The following ALDH4A1 variants were observed in gnomAD, a reference collection of about 807,000 sequenced individuals.
ALDH4A1 encodes the protein delta-1-pyrroline-5-carboxylate dehydrogenase, mitochondrial.
ALDH4A1 carries 46 observed loss-of-function variants against 70.5 expected under a neutral mutation model. The ratio of observed to expected loss-of-function variants is 0.65; its 90% CI spans 0.51 to 0.83. The LOEUF (loss-of-function observed/expected upper bound fraction) is 0.83. Ranked by LOEUF, ALDH4A1 falls within the 40% of genes least tolerant of loss-of-function variation. The pLI, the probability that ALDH4A1 is intolerant of heterozygous loss-of-function variation, is 0.00. For synonymous variants in ALDH4A1, 323 were observed against 324.3 expected (o/e 1.00, Z 0.04); for missense variants, 749 against 766.5 (o/e 0.98, Z 0.27).
In ALDH4A1 at chr1:18,881,873, T is replaced by A; in HGVS notation, c.693A>T (p.Leu231=). ...GCATGGCAGTGTCACTGGGCTTCCA[T>A]AGGACCACGTTGCCCTGCCCGGGAG... ...GAPALMGNVV[L]WKPSDTAMLA... is the part of the protein sequence containing the mutation. Residue 231 remains leucine, a synonymous_variant, in exon 8 of 15, where the codon CTA becomes CTT. Transcript: ENST00000375341. 1 of 1,613,524 alleles carries A rather than the reference T, an allele frequency of 6.2e-7. No homozygotes were observed. Among genetic ancestry groups the A allele is most frequent in the Non-Finnish European group, 8.5e-7 (1 of 1,180,016 alleles).
rs186244257 is a variant in ALDH4A1 at position 18,873,823 on chromosome 1, G to A, written c.1579+640C>T. Among the ~76,000 whole-genome samples the A allele has an allele frequency of 8.5e-5, 13 of 152,318 alleles. 1 individual carries two copies. The East Asian group carries it at 1.3e-3, about 16-fold the overall frequency. On this transcript the variant is annotated intron_variant, in intron 14 of 14. Coordinates refer to ENST00000375341, the MANE Select transcript of ALDH4A1 (RefSeq NM_003748.4). ...CGGTTCCGTGAGCTGTTCTAACAAC[G>A]TATCAAAACTCAAGAGGGCATCATG... is the stretch of plus-strand genomic sequence containing the variant.
intron 3 of ALDH4A1, among the ~76,000 whole-genome samples, chr1:18,888,321 C>T (rs781140509): frequency 2.6e-5 from 4 of 152,206 alleles, no homozygotes; most frequent in Non-Finnish European, 5.9e-5. Context: ...TGGCTGCGAC[C>T]TGGGCCCCAG....
rs766679742 is a variant in ALDH4A1, at chr1:18,872,806, G to A, written c.*39C>T. 3 of 1,559,954 alleles carry A rather than the reference G, an allele frequency of 1.9e-6. No individual in the cohort carries two copies. Among genetic ancestry groups the A allele is most frequent in the East Asian group, 2.2e-5 (1 of 44,460 alleles). ...GTCTGTGCAGTGAGGTCGGCCACCT[G>A]GACGGACAGACAGCTGGACGGTGGA... On this transcript the variant is annotated 3_prime_UTR_variant, in exon 15 of 15. Transcript: ENST00000375341.
In ALDH4A1 at chr1:18,875,519, C is replaced by T. The variant is rs367926778; in HGVS notation, c.1339-16G>A. The T allele has an allele frequency of 5.9e-5, 95 of 1,613,750 alleles. No individual in the cohort carries two copies. The highest frequency in any genetic ancestry group is 1.7e-4 in the Middle Eastern group (1 of 6,054). On this transcript the variant is annotated splice_polypyrimidine_tract_variant and intron_variant, in intron 12 of 14. Coordinates refer to ENST00000375341, the MANE Select transcript of ALDH4A1 (RefSeq NM_003748.4). Reference sequence around the variant, plus strand: ...CGAAGATCTCCTAGGAGAGAGGCCCCGGCGTCAGACCCTCCACGGGACCAG... The same window carrying T: ...CGAAGATCTCCTAGGAGAGAGGCCCTGGCGTCAGACCCTCCACGGGACCAG...
In ALDH4A1 at chr1:18,882,438, G is replaced by A. The variant is rs570653131; in HGVS notation, c.679-551C>T. Reference sequence around the variant, plus strand: ...GACCTCTCCCACCCAGGCTGTCTGGGAGCTGGGCTGCACCTCCCCCACAGG... The same window carrying A: ...GACCTCTCCCACCCAGGCTGTCTGGAAGCTGGGCTGCACCTCCCCCACAGG... On this transcript the variant is annotated intron_variant, in intron 7 of 14. Coordinates refer to ENST00000375341, the MANE Select transcript of ALDH4A1 (RefSeq NM_003748.4). 8 of 440,754 alleles carry A rather than the reference G, an allele frequency of 1.8e-5. No homozygotes were observed. In the East Asian group the frequency reaches 4.7e-4, roughly 26 times the overall value. 27.3% of individuals were successfully genotyped at this position (440,754 alleles called of 1,614,324 possible).
intron 4 of ALDH4A1, 128 bp downstream of exon 4, chr1:18,886,336 C>T: frequency 3.7e-6 from 4 of 1,072,526 alleles, no homozygotes; most frequent in Non-Finnish European, 5.7e-6. Flanking sequence ...CCCCTGCCCA[C>T]CTACCCACCA....
rs1934594433 is a variant in ALDH4A1 at position 18,874,657 on chromosome 1, G to C, written c.1461-76C>G. On this transcript the variant is annotated intron_variant, in intron 13 of 14. Transcript: ENST00000375341. ...CCCCAGCTCCAGCCTCAACACCCCTGCTCCAGCCCACACTGGCTTTCCAGG... is the reference window on the plus strand; with the variant it reads ...CCCCAGCTCCAGCCTCAACACCCCTCCTCCAGCCCACACTGGCTTTCCAGG... The C allele has an allele frequency of 2.1e-6, 3 of 1,414,504 alleles. No homozygotes were observed. The Admixed American group carries it at 5.0e-5, about 24-fold the overall frequency. 87.6% of individuals were successfully genotyped at this position (1,414,504 alleles called of 1,614,324 possible). A position where few individuals can be genotyped will look rare whatever the true frequency, so the allele number is the denominator to read the frequency against.
chr1:18,875,593 TC>T, intron 12 of ALDH4A1, 90 bp from the exon 13 acceptor site: 1 of 1,597,292 alleles, frequency 6.3e-7, no homozygotes, highest in Non-Finnish European at 8.6e-7. Flanking sequence ...GCTCACCCTC[TC>T]CCCAGTCCCT....
At chr1:18,900,450 G>A (rs1252155993) in intron 1 of ALDH4A1, among the ~76,000 whole-genome samples, 3 of 152,204 alleles carry the variant, frequency 2.0e-5, no homozygotes, top group Non-Finnish European at 2.9e-5. Flanking sequence ...AACCGGAGGT[G>A]ACTTTTGTCC....
chr1:18,877,529 C>T lies in ALDH4A1; in HGVS notation c.1024G>A (p.Glu342Lys), dbSNP rs376049478. The change falls in exon 10 of 15, where the codon GAG becomes AAG. Residue 342 changes from glutamate to lysine, a missense_variant. Transcript: ENST00000375341. ...GCGGAACACTTCTGGCCACCGTACTCGAAGGCTGAGCGGAGGGTCCCGCTC... is the reference window on the plus strand; with the variant it reads ...GCGGAACACTTCTGGCCACCGTACTTGAAGGCTGAGCGGAGGGTCCCGCTC... The part of the protein sequence containing the change: ...VVSGTLRSAF[E>K]YGGQKCSACS... The T allele has an allele frequency of 1.2e-6, 2 of 1,611,748 alleles. No individual in the cohort carries two copies. The highest frequency in any genetic ancestry group is 1.3e-5 in the African/African-American group (1 of 74,878).
Position 18,875,297 on chromosome 1 carries a change from C to T in ALDH4A1, c.1460+85G>A. The T allele has an allele frequency of 7.5e-6, 12 of 1,606,182 alleles. No individual in the cohort carries two copies. The South Asian group carries it at 1.3e-4, about 18-fold the overall frequency. The stretch of plus-strand genomic sequence containing the variant: ...AGAGAAGGTAGGGGCAGCATTATTA[C>T]TGGGAACCACGTCCAGGAGGTGGGG... On this transcript the variant is annotated intron_variant, in intron 13 of 14. Coordinates refer to ENST00000375341, the MANE Select transcript of ALDH4A1 (RefSeq NM_003748.4).
Position 18,874,475 on chromosome 1 carries a change from C to T in ALDH4A1, c.1567G>A (p.Ala523Thr). 10 of 1,613,622 alleles carry T rather than the reference C, an allele frequency of 6.2e-6. No homozygotes were observed. The highest frequency in any genetic ancestry group is 1.3e-5 in the African/African-American group (1 of 75,024). The change falls in exon 14 of 15, where the codon GCC becomes ACC. Residue 523 changes from alanine to threonine, a missense_variant. Physicochemically the swap from Ala to Thr is moderately conservative, Grantham distance 58 (BLOSUM62 0). Coordinates refer to ENST00000375341, the MANE Select transcript of ALDH4A1 (RefSeq NM_003748.4). ...GGGACCCACTCACCAGAGGCTCGGG[C>T]CCCCCCAAAGGGCTGCTGGCCCACT... is the stretch of plus-strand genomic sequence containing the variant. ...SIVGQQPFGG[A>T]RASGTNDKPG...
intron 13 of ALDH4A1, 118 bp downstream of exon 13, chr1:18,875,264 G>C: frequency 6.5e-7 from 1 of 1,528,500 alleles, no homozygotes; most frequent in South Asian, 1.1e-5. Context: ...GCTGAGGGGA[G>C]GGGACAGAGA....
rs199789740 is a variant in ALDH4A1 at position 18,874,472 on chromosome 1, G to A, written c.1570C>T (p.Arg524Ter). ...IVGQQPFGGARASGTNDKPGG... is the reference protein window; with the variant it reads ...IVGQQPFGGA ...AGGGGGACCCACTCACCAGAGGCTC[G>A]GGCCCCCCCAAAGGGCTGCTGGCCC... The change falls in exon 14 of 15, where the codon CGA (arginine) becomes TGA (stop). Residue 524 changes from arginine to a stop codon, truncating the protein, a stop_gained. Transcript: ENST00000375341. LOFTEE classifies it high-confidence loss of function. 5.6e-6 allele frequency: 9 copies of A among 1,613,094 alleles called. No homozygotes were observed. The South Asian group carries it at 6.6e-5, about 12-fold the overall frequency.
intron 3 of ALDH4A1, 123 bp downstream of exon 3, chr1:18,889,239 G>A (rs1935337988): frequency 3.5e-6 from 3 of 853,194 alleles, no homozygotes; most frequent in Non-Finnish European, 5.7e-6. Context: ...AAAATCTGGG[G>A]TGGGGAGGGG....
chr1:18,890,327 A>T (rs1420191803), intron 1 of ALDH4A1: 1 of 513,914 alleles, frequency 1.9e-6, no homozygotes, highest in Admixed American at 3.2e-5. Context: ...AAATCACTTG[A>T]GGTCAGGAGT....
intron 9 of ALDH4A1, 60 bp from the exon 10 acceptor site, chr1:18,877,672 G>A (rs1934775963): frequency 2.1e-6 from 3 of 1,450,640 alleles, no homozygotes; most frequent in African/African-American, 1.4e-5. Context: ...TTGCCCAGGG[G>A]CCCAAAACAC....
chr1:18,891,006 C>T, intron 1 of ALDH4A1: 1 of 489,652 alleles, frequency 2.0e-6, no homozygotes, highest in Non-Finnish European at 2.6e-6. Flanking sequence ...GGGTGAGGTG[C>T]CTGATTCCAG....
At chr1:18,873,093 C>G in intron 14 of ALDH4A1, 136 bp from the exon 15 acceptor site, 1 of 741,672 alleles carries the variant, frequency 1.3e-6, no homozygotes, top group Non-Finnish European at 2.3e-6. Context: ...TTGGGGCATG[C>G]AGAAGAGCCA....
Sources: gnomAD v4.1 joint callset for allele counts (sites outside exome capture counted in the v4.1 genomes callset) on GRCh38, gnomAD v4.1.1 for gene constraint, MANE v1.5 for transcripts, NCBI Gene and HGNC (gene_info 2026-07-23, HGNC 2026-07-21) for gene names.